Variants in RGS20 observed in about 807,000 individuals in gnomAD.
The protein encoded by RGS20 is gz-selective GTPase-activating protein.
In RGS20, 30 loss-of-function variants were observed where a neutral mutation model predicts 33.6. That is an observed-to-expected ratio of 0.89 (90% CI 0.67 to 1.21). The LOEUF (loss-of-function observed/expected upper bound fraction) is 1.21. RGS20 is among the 50% of genes most tolerant of loss of function. RGS20 has a pLI of 0.00. For missense variants in RGS20, 472 were observed against 502.4 expected (o/e 0.94, Z 0.58); for synonymous variants, 208 against 197.9 (o/e 1.05, Z -0.43).
intron 2 of RGS20, among the ~76,000 whole-genome samples, chr8:53,922,705 C>T (rs1001310073): frequency 6.6e-6 from 1 of 152,120 alleles, no homozygotes; most frequent in Non-Finnish European, 1.5e-5. Context: ...CAGGGTGTCA[C>T]TTTGTCACAC....
In RGS20 at chr8:53,947,101, A is replaced by G. The variant is rs1161432046; in HGVS notation, c.743+353A>G. On this transcript the variant is annotated intron_variant, in intron 4 of 5. Coordinates refer to ENST00000297313, the MANE Select transcript of RGS20 (RefSeq NM_170587.4). ...TATAGCATATATATTTATATATACT[A>G]TATATAAAATACAGCATATATACTT... Among the ~76,000 whole-genome samples the G allele has an allele frequency of 2.7e-5, 4 of 147,098 alleles. No homozygotes were observed. The East Asian group carries it at 7.8e-4, about 29-fold the overall frequency.
Position 53,914,253 on chromosome 8 carries a change from ACTC to A in RGS20, c.511-25320_511-25318del, listed in dbSNP as rs755218677. 2.6e-5 allele frequency among the ~76,000 whole-genome samples: 4 copies of A among 151,106 alleles called. 1 individual carries two copies. The highest frequency in any genetic ancestry group is 5.9e-5 in the Non-Finnish European group (4 of 67,778). On this transcript the variant is annotated intron_variant, in intron 2 of 5. Transcript: ENST00000297313. ...GCAATGTTGCCTGGGCTGGTCTTGAACTCCTGGCCTCAAGTGATCCTCCCACCT... is the reference window on the plus strand; with the variant it reads ...GCAATGTTGCCTGGGCTGGTCTTGAACTGGCCTCAAGTGATCCTCCCACCT...
intron 2 of RGS20, among the ~76,000 whole-genome samples, chr8:53,915,515 C>G (rs1049313951): frequency 6.6e-6 from 1 of 152,206 alleles, no homozygotes; most frequent in Non-Finnish European, 1.5e-5. Flanking sequence ...CAGTTTTGCA[C>G]AGGATCTTTC....
At chr8:53,879,913 G>T in intron 2 of RGS20, 2 of 329,182 alleles carry the variant, frequency 6.1e-6, no homozygotes, top group Non-Finnish European at 1.1e-5. Context: ...TCAGCGTGTC[G>T]CTCTCCTCCG....
intron 1 of RGS20, among the ~76,000 whole-genome samples, chr8:53,856,196 G>C (rs981854054): frequency 6.6e-6 from 1 of 150,812 alleles, no homozygotes; most frequent in Non-Finnish European, 1.5e-5. Context: ...GTCTTCATCA[G>C]ATTATTTATT....
In RGS20 at chr8:53,900,152, A is replaced by G. The variant is rs147404360; in HGVS notation, c.510+20550A>G. On this transcript the variant is annotated intron_variant, in intron 2 of 5. Coordinates refer to ENST00000297313, the MANE Select transcript of RGS20 (RefSeq NM_170587.4). Reference sequence around the variant, plus strand: ...CTGCTGAATATAGACACAAAGGTACAGGACCAATTTGTTTACAGTCTTTTT... The same window carrying G: ...CTGCTGAATATAGACACAAAGGTACGGGACCAATTTGTTTACAGTCTTTTT... Among the ~76,000 whole-genome samples, 7 of 152,292 alleles carry G rather than the reference A, an allele frequency of 4.6e-5. No homozygotes were observed. The East Asian group carries it at 1.4e-3, about 29-fold the overall frequency.
At chr8:53,923,221 C>G (rs932891006) in intron 2 of RGS20, among the ~76,000 whole-genome samples, 2 of 152,084 alleles carry the variant, frequency 1.3e-5, no homozygotes, top group African/African-American at 4.8e-5. Flanking sequence ...CGTGAGCCAC[C>G]GAACCTGGCC....
chr8:53,880,921 A>G lies in RGS20; in HGVS notation c.510+1319A>G. 1.9e-6 allele frequency: 3 copies of G among 1,545,572 alleles called. No individual in the cohort carries two copies. The Middle Eastern group carries it at 5.2e-4, about 266-fold the overall frequency. On this transcript the variant is annotated intron_variant, in intron 2 of 5. Coordinates refer to ENST00000297313, the MANE Select transcript of RGS20 (RefSeq NM_170587.4). ...GAGAAGAGGGCTAGAGCAAAGACCG[A>G]GAGCCGGAGAAAGGCGAAAGGCGCG...
chr8:53,908,111 C>T (rs530832367), intron 2 of RGS20, among the ~76,000 whole-genome samples: 45 of 152,154 alleles, frequency 3.0e-4, no homozygotes, highest in South Asian at 6.2e-4. Flanking sequence ...CTATTGAAAA[C>T]GGCATATGCA....
chr8:53,938,918 C>CA (rs1814209418), intron 2 of RGS20, among the ~76,000 whole-genome samples: 1 of 152,144 alleles, frequency 6.6e-6, no homozygotes, highest in Non-Finnish European at 1.5e-5. Context: ...AAAGACAGGT[C>CA]CGGGCAGGCC....
chr8:53,941,790 G>A (rs751727875), intron 3 of RGS20, among the ~76,000 whole-genome samples: 2 of 152,126 alleles, frequency 1.3e-5, no homozygotes, highest in Non-Finnish European at 2.9e-5. Flanking sequence ...CAGGATACTT[G>A]GTATTTGGGT....
At chr8:53,881,552 G>A (rs185146234) in intron 2 of RGS20, among the ~76,000 whole-genome samples, 400 of 152,222 alleles carry the variant, frequency 2.6e-3, no homozygotes, top group African/African-American at 9.3e-3. Flanking sequence ...CCGCTGGGAA[G>A]GGTAAGGAGA....
chr8:53,881,016 A>T (rs750581801), intron 2 of RGS20: 3 of 1,595,344 alleles, frequency 1.9e-6, no homozygotes, highest in Middle Eastern at 1.8e-4. Flanking sequence ...CGCGGGACGC[A>T]TGCGCACGGC....
intron 2 of RGS20, among the ~76,000 whole-genome samples, chr8:53,925,815 T>C (rs947771947): frequency 1.4e-4 from 21 of 152,116 alleles, no homozygotes; most frequent in African/African-American, 5.1e-4. Flanking sequence ...TAAGGAATAA[T>C]CTAGTAGCAC....
chr8:53,922,344 G>T (rs1024060734), intron 2 of RGS20, among the ~76,000 whole-genome samples: 1 of 152,022 alleles, frequency 6.6e-6, no homozygotes, highest in Non-Finnish European at 1.5e-5. Flanking sequence ...GGTTGCTGTT[G>T]CCAGATATAT....
intron 2 of RGS20, among the ~76,000 whole-genome samples, chr8:53,881,436 C>T (rs1812380435): frequency 6.6e-6 from 1 of 152,106 alleles, no homozygotes; most frequent in African/African-American, 2.4e-5. Flanking sequence ...CATTGACCAC[C>T]CGAAGCGTAT....
At chr8:53,853,478 T>C (rs995771554) in intron 1 of RGS20, among the ~76,000 whole-genome samples, 1 of 152,224 alleles carries the variant, frequency 6.6e-6, no homozygotes, top group Non-Finnish European at 1.5e-5. Flanking sequence ...TTCCAGTCTG[T>C]ACAGCAGCAG....
intron 1 of RGS20, among the ~76,000 whole-genome samples, chr8:53,856,434 G>A (rs1811671622): frequency 6.6e-6 from 1 of 151,974 alleles, no homozygotes; most frequent in Non-Finnish European, 1.5e-5. Context: ...GACTGGGCTG[G>A]TCACAGACTC....
chr8:53,879,972 G>A (rs982295230), intron 2 of RGS20: 1 of 246,344 alleles, frequency 4.1e-6, no homozygotes, highest in East Asian at 7.9e-5. Flanking sequence ...CCCAGCGCTC[G>A]CTCTCCCACT....
Sources: allele counts gnomAD v4.1 joint callset (sites outside exome capture counted in the v4.1 genomes callset), GRCh38; gene constraint gnomAD v4.1.1; transcripts MANE v1.5; gene names NCBI Gene and HGNC (gene_info 2026-07-23, HGNC 2026-07-21).